The following NAALADL2 variants were observed in gnomAD, a reference collection of about 807,000 sequenced individuals.
NAALADL2 encodes the protein N-acetylated alpha-linked acidic dipeptidase like 2.
Under a neutral mutation model 87.2 loss-of-function variants are expected in NAALADL2, and 76 were observed. The ratio of observed to expected loss-of-function variants is 0.87; its 90% CI spans 0.72 to 1.05. NAALADL2 has a LOEUF of 1.05. Ranked by LOEUF, NAALADL2 falls within the 50% of genes least tolerant of loss-of-function variation. NAALADL2 has a pLI of 0.00. For synonymous variants in NAALADL2, 354 were observed against 331.0 expected (o/e 1.07, Z -0.75); for missense variants, 1,089 against 945.8 (o/e 1.15, Z -1.99).
intron 1 of NAALADL2, chr3:174,540,581 T>G (rs1722134430): frequency 6.6e-6 from 1 of 152,210 alleles, no homozygotes; most frequent in African/African-American, 2.4e-5. Context: ...GCCGGAAGAC[T>G]TCTTACGAAT....
chr3:174,778,383 T>C (rs527778559), intron 3 of NAALADL2, among the ~76,000 whole-genome samples: 6 of 152,198 alleles, frequency 3.9e-5, no homozygotes, highest in Admixed American at 3.3e-4. Flanking sequence ...CAAGAACTAG[T>C]ACAAAATTGT....
intron 4 of NAALADL2, among the ~76,000 whole-genome samples, chr3:175,279,787 AGTGTGTGTGTGTGT>A (rs34107349): frequency 3.2e-3 from 405 of 125,624 alleles, no homozygotes; most frequent in African/African-American, 9.9e-3. Context: ...ATAGTGTGTG[AGTGTGTGTGTGTGT>A]GTGTGTGTGT....
intron 3 of NAALADL2, among the ~76,000 whole-genome samples, chr3:174,788,358 G>A (rs1473911608): frequency 2.0e-5 from 3 of 152,156 alleles, no homozygotes; most frequent in African/African-American, 7.2e-5. Flanking sequence ...AGTTTGCTAG[G>A]TCTACTAGAA....
chr3:174,617,970 G>A (rs1023736811), intron 2 of NAALADL2, among the ~76,000 whole-genome samples: 31 of 151,848 alleles, frequency 2.0e-4, no homozygotes, highest in Middle Eastern at 3.4e-3. Context: ...CATCTTCACT[G>A]AGGTTAAAAG....
At chr3:174,586,833 A>AT (rs201328465) in intron 2 of NAALADL2, among the ~76,000 whole-genome samples, 34 of 150,598 alleles carry the variant, frequency 2.3e-4, no homozygotes, top group South Asian at 1.1e-3. Context: ...ACTTTCAGAG[A>AT]TTTTTTTTTT....
chr3:175,384,608 A>G (rs569398236), intron 5 of NAALADL2, among the ~76,000 whole-genome samples: 1 of 152,084 alleles, frequency 6.6e-6, no homozygotes, highest in South Asian at 2.1e-4. Context: ...CTCCTTTCAA[A>G]TAAGAATTAT....
intron 5 of NAALADL2, among the ~76,000 whole-genome samples, chr3:175,436,618 T>C (rs1289158530): frequency 1.3e-4 from 18 of 143,586 alleles, no homozygotes; most frequent in African/African-American, 4.9e-4. Flanking sequence ...TGAGCATTTT[T>C]TCATGTGTGT....
intron 1 of NAALADL2, among the ~76,000 whole-genome samples, chr3:174,921,798 C>G: frequency 8.4e-6 from 1 of 118,464 alleles, no homozygotes; most frequent in African/African-American, 3.7e-5. Context: ...GAGCAAGACT[C>G]CGTCTCAAAA....
At chr3:174,564,682 G>A (rs906912652) in intron 2 of NAALADL2, among the ~76,000 whole-genome samples, 1 of 151,900 alleles carries the variant, frequency 6.6e-6, no homozygotes, top group African/African-American at 2.4e-5. Context: ...TTTAAATTAT[G>A]CACATACAAT....
chr3:175,800,549 C>T (rs1041119754), intron 13 of NAALADL2, among the ~76,000 whole-genome samples: 4 of 152,094 alleles, frequency 2.6e-5, no homozygotes, highest in Non-Finnish European at 4.4e-5. Context: ...CAAGAATCCT[C>T]TTTTCCCACC....
intron 10 of NAALADL2, among the ~76,000 whole-genome samples, chr3:175,592,453 C>A (rs1582541149): frequency 6.6e-6 from 1 of 151,476 alleles, no homozygotes; most frequent in East Asian, 1.9e-4. Context: ...TTTTTGGTTT[C>A]TTTACATGTA....
intron 2 of NAALADL2, among the ~76,000 whole-genome samples, chr3:174,647,252 G>C (rs755529811): frequency 3.3e-5 from 5 of 152,120 alleles, no homozygotes; most frequent in Non-Finnish European, 7.3e-5. Context: ...CTTGCTCAAG[G>C]TTGCATTGTT....
At chr3:175,447,173 A>T in intron 5 of NAALADL2, 56 bp from the exon 6 acceptor site, 2 of 1,171,678 alleles carry the variant, frequency 1.7e-6, no homozygotes, top group Non-Finnish European at 2.4e-6. Context: ...ACTTTTCCTT[A>T]AGTGTTTTAA....
At chr3:175,367,484 C>T (rs1321318513) in intron 5 of NAALADL2, among the ~76,000 whole-genome samples, 2 of 152,080 alleles carry the variant, frequency 1.3e-5, no homozygotes, top group East Asian at 1.9e-4. Flanking sequence ...ATTCTTCCTA[C>T]CCATGAGCAT....
At chr3:174,776,732 T>G (rs1265460998) in intron 3 of NAALADL2, among the ~76,000 whole-genome samples, 1 of 152,168 alleles carries the variant, frequency 6.6e-6, no homozygotes, top group Non-Finnish European at 1.5e-5. Context: ...TCATGAAGAA[T>G]TCTTATATAC....
At chr3:174,990,736 T>G (rs1413804935) in intron 1 of NAALADL2, among the ~76,000 whole-genome samples, 1 of 152,156 alleles carries the variant, frequency 6.6e-6, no homozygotes, top group African/African-American at 2.4e-5. Context: ...CTCTCAACAC[T>G]CTCTGCACAT....
intron 1 of NAALADL2, among the ~76,000 whole-genome samples, chr3:174,912,564 C>T (rs1012724330): frequency 3.3e-5 from 5 of 152,136 alleles, no homozygotes; most frequent in Admixed American, 1.3e-4. Flanking sequence ...AGCAATTTAA[C>T]GTACATGGAT....
intron 1 of NAALADL2, among the ~76,000 whole-genome samples, chr3:175,002,285 C>A (rs901839777): frequency 2.6e-5 from 4 of 152,096 alleles, no homozygotes; most frequent in African/African-American, 9.7e-5. Context: ...CGCAGAAAGT[C>A]AGAAACTAGA....
At chr3:174,674,145 C>A (rs1233638049) in intron 2 of NAALADL2, among the ~76,000 whole-genome samples, 1 of 151,846 alleles carries the variant, frequency 6.6e-6, no homozygotes. Flanking sequence ...ACAGACATGT[C>A]ATATGGTAAA....
Sources: gnomAD v4.1 joint callset for allele counts (sites outside exome capture counted in the v4.1 genomes callset) on GRCh38, gnomAD v4.1.1 for gene constraint, MANE v1.5 for transcripts, NCBI Gene and HGNC (gene_info 2026-07-23, HGNC 2026-07-21) for gene names.